The following MRPS35 variants were observed in gnomAD, a reference collection of about 807,000 sequenced individuals.
The protein encoded by MRPS35 is mitochondrial ribosomal protein S35, also known as small ribosomal subunit protein mS35.
MRPS35 carries 29 observed loss-of-function variants against 32.7 expected under a neutral mutation model. That is an observed-to-expected ratio of 0.89 (90% confidence interval 0.66 to 1.21). The LOEUF is 1.21. MRPS35 is among the 50% of genes most tolerant of loss of function. The probability of loss-of-function intolerance (pLI) is 0.00; values close to 1 mark genes in which losing one functional copy is unlikely to be tolerated. For missense variants in MRPS35, 373 were observed against 383.8 expected (o/e 0.97, Z 0.23); for synonymous variants, 148 against 139.3 (o/e 1.06, Z -0.44).
At chr12:27,712,093 T>C (rs898866560) in intron 1 of MRPS35, among the ~76,000 whole-genome samples, 4 of 151,818 alleles carry the variant, frequency 2.6e-5, no homozygotes, top group Admixed American at 2.0e-4. Flanking sequence ...CACAGGATGG[T>C]CAGGAAAGAT....
rs547400690 is a variant in MRPS35, at chr12:27,742,980, C to G, written c.702+5372C>G. Among the ~76,000 whole-genome samples, 22 of 152,132 alleles carry G rather than the reference C, an allele frequency of 1.4e-4. No homozygotes were observed. The South Asian group carries it at 3.5e-3, about 24-fold the overall frequency. On this transcript the variant is annotated intron_variant, in intron 7 of 7. Coordinates refer to ENST00000081029, the MANE Select transcript of MRPS35 (RefSeq NM_021821.4). ...GGCTCAGACGATCCTCTCACCTCAG[C>G]CTCCCAAGTAGCTGGGACCACAGGC...
intron 5 of MRPS35, among the ~76,000 whole-genome samples, chr12:27,727,956 C>A (rs1049988977): frequency 1.3e-5 from 2 of 152,118 alleles, no homozygotes; most frequent in Non-Finnish European, 2.9e-5. Flanking sequence ...CCTAATACAA[C>A]GTAAATAGTT....
At chr12:27,734,703 C>G (rs2061936506) in intron 5 of MRPS35, among the ~76,000 whole-genome samples, 1 of 152,120 alleles carries the variant, frequency 6.6e-6, no homozygotes, top group Non-Finnish European at 1.5e-5. Context: ...AATCTGACGT[C>G]AAATAAATTT....
At chr12:27,748,696 G>A (rs2061989639) in intron 7 of MRPS35, among the ~76,000 whole-genome samples, 1 of 151,908 alleles carries the variant, frequency 6.6e-6, no homozygotes, top group African/African-American at 2.4e-5. Flanking sequence ...TGTGTGACAA[G>A]GTCTGGCCCT....
intron 5 of MRPS35, among the ~76,000 whole-genome samples, chr12:27,735,084 T>C (rs565261753): frequency 6.6e-6 from 1 of 152,350 alleles, no homozygotes; most frequent in South Asian, 2.1e-4. Flanking sequence ...AAAGCCCTTA[T>C]GTTTTATCTA....
rs1433797132 is a variant in MRPS35 at position 27,733,034 on chromosome 12, A to ATCTATCTATCTATCTATC, written c.523-2412_523-2411insCTATCTATCTATCTATCT. Among the ~76,000 whole-genome samples, 5 of 62,064 alleles carry ATCTATCTATCTATCTATC rather than the reference A, an allele frequency of 8.1e-5. No homozygotes were observed. In the East Asian group the frequency reaches 2.3e-3, roughly 29 times the overall value. 40.7% of individuals were successfully genotyped at this position (62,064 alleles called of 152,430 possible). ...TATATATATATATATATATATATAT[A>ATCTATCTATCTATCTATC]TATATATCCAGCACCTCCTGTGATT... On this transcript the variant is annotated intron_variant, in intron 5 of 7. Transcript: ENST00000081029.
chr12:27,714,844 A>G (rs144722137), intron 2 of MRPS35, 24 bp downstream of exon 2: 9 of 1,598,206 alleles, frequency 5.6e-6, no homozygotes, highest in Middle Eastern at 1.7e-4. Flanking sequence ...ATACTCTACT[A>G]TCTTAATGGT....
In MRPS35 at chr12:27,710,936, G is replaced by A. The variant is rs1447509739; in HGVS notation, c.93G>A (p.Pro31=). Residue 31 remains proline, a synonymous_variant, in exon 1 of 8, where the codon CCG becomes CCA. Transcript: ENST00000081029. ...CCACTGCCGTCTACTCGGCCACTCC[G>A]GTCCCGACACCTAGCCTGCGTGAGT... The part of the protein sequence containing the change: ...AFSTAVYSAT[P]VPTPSLPERT... 6.2e-7 allele frequency: 1 copy of A among 1,613,154 alleles called. No individual in the cohort carries two copies. Among genetic ancestry groups the A allele is most frequent in the Non-Finnish European group, 8.5e-7 (1 of 1,179,844 alleles).
intron 5 of MRPS35, among the ~76,000 whole-genome samples, chr12:27,731,200 C>A (rs2061920850): frequency 1.3e-5 from 2 of 152,262 alleles, no homozygotes; most frequent in South Asian, 4.2e-4. Context: ...TATTTTCTGG[C>A]ACTACAAAAT....
intron 4 of MRPS35, among the ~76,000 whole-genome samples, chr12:27,722,902 C>G (rs1205184172): frequency 5.3e-5 from 8 of 152,096 alleles, no homozygotes; most frequent in Admixed American, 5.2e-4. Flanking sequence ...AATATTGTTC[C>G]TATTATAAGA....
At chr12:27,731,022 A>G (rs962538578) in intron 5 of MRPS35, among the ~76,000 whole-genome samples, 23 of 152,100 alleles carry the variant, frequency 1.5e-4, no homozygotes, top group African/African-American at 5.3e-4. Context: ...TTAATCATTT[A>G]TTTATATCAG....
intron 7 of MRPS35, among the ~76,000 whole-genome samples, chr12:27,739,440 GTT>G (rs1042319880): frequency 6.6e-6 from 1 of 152,162 alleles, no homozygotes; most frequent in Admixed American, 6.5e-5. Flanking sequence ...TGATAAAAGA[GTT>G]TTCACACAAG....
chr12:27,748,390 T>TG (rs1262094156), intron 7 of MRPS35, among the ~76,000 whole-genome samples: 3 of 151,424 alleles, frequency 2.0e-5, no homozygotes, highest in Non-Finnish European at 4.4e-5. Flanking sequence ...CTTCAGGGGT[T>TG]GGGGGTCAGG....
rs774249807 is a variant in MRPS35, at chr12:27,737,526, T to C, written c.633-13T>C. The C allele has an allele frequency of 5.0e-6, 8 of 1,609,590 alleles. No homozygotes were observed. The East Asian group carries it at 1.8e-4, about 36-fold the overall frequency. ...TTTTAGAATTTTGACTTCTCCCGCT[T>C]TCTCTTTAATAGGTGCCCTTTAAGG... On this transcript the variant is annotated splice_polypyrimidine_tract_variant and intron_variant, in intron 6 of 7. Coordinates refer to ENST00000081029, the MANE Select transcript of MRPS35 (RefSeq NM_021821.4).
At position 27,710,895 on chromosome 12, in the gene MRPS35, ACT is replaced by A. The variant is rs1566045131; in HGVS notation, c.55_56del (p.Leu19AlafsTer17). The A allele has an allele frequency of 3.7e-6, 6 of 1,612,536 alleles. No individual in the cohort carries two copies. The highest frequency in any genetic ancestry group is 2.2e-5 in the East Asian group (1 of 44,846). On this transcript the variant is annotated frameshift_variant, in exon 1 of 8. Transcript: ENST00000081029. LOFTEE classifies it high-confidence loss of function. ...AWLSLQSRAR[T>X]LRAFSTAVYS... ...GCTGTCTCTGCAGTCGAGGGCAAGG[ACT>A]CTGCGTGCATTCTCCACTGCCGTCT...
intron 3 of MRPS35, 152 bp from the exon 4 acceptor site, chr12:27,719,656 G>C: frequency 1.9e-6 from 1 of 518,218 alleles, no homozygotes; most frequent in Non-Finnish European, 3.4e-6. Flanking sequence ...CTGGGCGACA[G>C]AGCGAGACTC....
intron 7 of MRPS35, among the ~76,000 whole-genome samples, chr12:27,740,984 T>G (rs770255690): frequency 2.0e-5 from 3 of 151,858 alleles, no homozygotes; most frequent in African/African-American, 4.8e-5. Flanking sequence ...CTGGGCAACA[T>G]GATGAAACCC....
At chr12:27,753,682 G>C (rs2062015142) in intron 7 of MRPS35, among the ~76,000 whole-genome samples, 1 of 152,106 alleles carries the variant, frequency 6.6e-6, no homozygotes. Flanking sequence ...TTCCATAGCA[G>C]CCTGTAGCTC....
chr12:27,741,504 A>T (rs1486040567), intron 7 of MRPS35, among the ~76,000 whole-genome samples: 1 of 152,158 alleles, frequency 6.6e-6, no homozygotes, highest in East Asian at 1.9e-4. Flanking sequence ...TTAGAATTTT[A>T]AATTCATGGT....
Sources: allele counts gnomAD v4.1 joint callset (sites outside exome capture counted in the v4.1 genomes callset), GRCh38; gene constraint gnomAD v4.1.1; transcripts MANE v1.5; gene names NCBI Gene and HGNC (gene_info 2026-07-23, HGNC 2026-07-21).